TENT4B: variants seen among roughly 807,000 people sequenced by gnomAD.
The protein encoded by TENT4B is PAP associated domain containing 5.
Under a neutral mutation model 75.0 loss-of-function variants are expected in TENT4B, and 10 were observed. That is an observed-to-expected ratio of 0.13 (90% CI 0.08 to 0.23). The LOEUF (loss-of-function observed/expected upper bound fraction) is 0.23, where lower values mean the gene tolerates loss of function less well. Ranked by LOEUF, TENT4B falls within the 10% of genes least tolerant of loss-of-function variation. TENT4B has a pLI of 1.00. For synonymous variants in TENT4B, 350 were observed against 357.7 expected, an observed-to-expected ratio of 0.98 and a Z score of 0.24; for missense variants, 579 against 893.8, an observed-to-expected ratio of 0.65 and a Z score of 4.49.
chr16:50,204,787 G>C (rs1440688194), intron 1 of TENT4B, among the ~76,000 whole-genome samples: 1 of 152,190 alleles, frequency 6.6e-6, no homozygotes, highest in African/African-American at 2.4e-5. Context: ...ACGCGTTTGA[G>C]TATATAAATA....
chr16:50,221,591 T>G (rs2150745131), intron 5 of TENT4B, among the ~76,000 whole-genome samples: 1 of 152,346 alleles, frequency 6.6e-6, no homozygotes, highest in South Asian at 2.1e-4. Flanking sequence ...TCTACAGTGG[T>G]ACATCACCAA....
Position 50,224,955 on chromosome 16 carries a change from C to A in TENT4B, c.1573C>A (p.Gln525Lys). The change falls in exon 9 of 12, where the codon CAG (glutamine) becomes AAG (lysine). Residue 525 changes from glutamine to lysine, a missense_variant. This residue lies in a region of TENT4B where 164 missense variants were observed against 226.5 expected (regional missense o/e 0.72). Transcript: ENST00000561678. ...VATYRDWISKQWGLKNRPEPS... is the reference protein window; with the variant it reads ...VATYRDWISKKWGLKNRPEPS... ...CACATATAGAGATTGGATATCAAAG[C>A]AGTGGGGCTTGAAGAATAGACCTGA... 6.2e-7 allele frequency: 1 copy of A among 1,613,804 alleles called. No individual in the cohort carries two copies. Among genetic ancestry groups the A allele is most frequent in the Non-Finnish European group, 8.5e-7 (1 of 1,179,796 alleles).
Position 50,230,951 on chromosome 16 carries a change from A to C in TENT4B, c.*1623A>C. 4 of 979,550 alleles carry C rather than the reference A, an allele frequency of 4.1e-6. No individual in the cohort carries two copies. The highest frequency in any genetic ancestry group is 4.9e-6 in the Non-Finnish European group (4 of 824,214). The allele number at this position is 979,550 out of a possible 1,614,324, so 60.7% of individuals were successfully genotyped here. ...TACATATAAAGTACTATTGGCTTTT[A>C]GGAGTTTCTTTTATATACATTTATG... On this transcript the variant is annotated 3_prime_UTR_variant, in exon 12 of 12. Transcript: ENST00000561678.
chr16:50,231,627 GA>G lies in TENT4B; in HGVS notation c.*2303del, dbSNP rs1367344076. ...TCTTAGGTTTTCGTAAATTTATTGGGAAAATAGTTTTTCCTGTACTGCTGAA... is the reference window on the plus strand; with the variant it reads ...TCTTAGGTTTTCGTAAATTTATTGGGAAATAGTTTTTCCTGTACTGCTGAA... On this transcript the variant is annotated 3_prime_UTR_variant, in exon 12 of 12. Transcript: ENST00000561678. 1 of 985,668 alleles carries G rather than the reference GA, an allele frequency of 1.0e-6. No homozygotes were observed. The highest frequency in any genetic ancestry group is 1.7e-5 in the African/African-American group (1 of 57,220). The allele number at this position is 985,668 out of a possible 1,614,324, so 61.1% of individuals were successfully genotyped here. A position where few individuals can be genotyped will look rare whatever the true frequency, so the allele number is the denominator to read the frequency against.
At chr16:50,193,331 GTTTTTTTTTTTT>G (rs774084083) in intron 1 of TENT4B, among the ~76,000 whole-genome samples, 1 of 101,482 alleles carries the variant, frequency 9.9e-6, no homozygotes, top group Non-Finnish European at 1.9e-5. Flanking sequence ...AGTTCCTGGA[GTTTTTTTTTTTT>G]TTTTTTTTTT....
At chr16:50,207,274 C>T (rs573110615) in intron 1 of TENT4B, among the ~76,000 whole-genome samples, 3 of 152,120 alleles carry the variant, frequency 2.0e-5, no homozygotes, top group African/African-American at 7.2e-5. Flanking sequence ...TTTTGTCTTC[C>T]GGGCTCAAGC....
intron 1 of TENT4B, among the ~76,000 whole-genome samples, chr16:50,189,176 A>G (rs1052967866): frequency 1.3e-5 from 2 of 152,110 alleles, no homozygotes; most frequent in Non-Finnish European, 2.9e-5. Context: ...TAGAGATAGG[A>G]TGTTTGTATT....
At chr16:50,174,274 T>A (rs1009934047) in intron 1 of TENT4B, among the ~76,000 whole-genome samples, 1 of 151,986 alleles carries the variant, frequency 6.6e-6, no homozygotes, top group African/African-American at 2.4e-5. Context: ...ATTTTTGTAT[T>A]TATAGTAGGG....
At position 50,231,215 on chromosome 16, in the gene TENT4B, A is replaced by G; in HGVS notation, c.*1887A>G. 1 of 985,296 alleles carries G rather than the reference A, an allele frequency of 1.0e-6. No homozygotes were observed. The allele number at this position is 985,296 out of a possible 1,614,324, so 61.0% of individuals were successfully genotyped here. ...TGACAATGTTTTAAATTTTAGAGTCACATTTTATTCTGATCAGAATTTTTA... is the reference window on the plus strand; with the variant it reads ...TGACAATGTTTTAAATTTTAGAGTCGCATTTTATTCTGATCAGAATTTTTA... On this transcript the variant is annotated 3_prime_UTR_variant, in exon 12 of 12. Coordinates refer to ENST00000561678, the MANE Select transcript of TENT4B (RefSeq NM_001365324.3).
intron 1 of TENT4B, among the ~76,000 whole-genome samples, chr16:50,201,307 C>CAGGT (rs1342632875): frequency 2.0e-5 from 3 of 151,834 alleles, no homozygotes; most frequent in Admixed American, 1.3e-4. Context: ...GAGGCTGAGG[C>CAGGT]AGGTGGATCT....
chr16:50,234,716 CTT>C lies in TENT4B; in HGVS notation c.*5390_*5391del, dbSNP rs1356749991. 2 of 985,350 alleles carry C rather than the reference CTT, an allele frequency of 2.0e-6. No individual in the cohort carries two copies. The highest frequency in any genetic ancestry group is 2.4e-6 in the Non-Finnish European group (2 of 829,912). 61.0% of individuals were successfully genotyped at this position (985,350 alleles called of 1,614,324 possible). A position where few individuals can be genotyped will look rare whatever the true frequency, so the allele number is the denominator to read the frequency against. On this transcript the variant is annotated 3_prime_UTR_variant, in exon 12 of 12. Coordinates refer to ENST00000561678, the MANE Select transcript of TENT4B (RefSeq NM_001365324.3). ...GTTAGACGTGTCAAGAGTCTCCAGT[CTT>C]TACTACTAAAAAGCAGCACTGCCTT...
intron 1 of TENT4B, among the ~76,000 whole-genome samples, chr16:50,185,976 CAAATT>C (rs892395457): frequency 6.6e-6 from 1 of 152,144 alleles, no homozygotes; most frequent in Non-Finnish European, 1.5e-5. Context: ...TGGTGTTTCT[CAAATT>C]AAGTTCTGCA....
chr16:50,153,596 G>A lies in TENT4B; in HGVS notation c.-26G>A, dbSNP rs1407011161. On this transcript the variant is annotated 5_prime_UTR_variant, in exon 1 of 12. Transcript: ENST00000561678. ...GCGGCCCTGCGGGCGGCCGGGAGGGGCGGGGGCAGCGGCCGCCGCCGTTTG... is the reference window on the plus strand; with the variant it reads ...GCGGCCCTGCGGGCGGCCGGGAGGGACGGGGGCAGCGGCCGCCGCCGTTTG... 12 of 998,748 alleles carry A rather than the reference G, an allele frequency of 1.2e-5. No individual in the cohort carries two copies. Among genetic ancestry groups the A allele is most frequent in the Non-Finnish European group, 1.4e-5 (12 of 841,568 alleles). The allele number at this position is 998,748 out of a possible 1,614,324, so 61.9% of individuals were successfully genotyped here. A position where few individuals can be genotyped will look rare whatever the true frequency, so the allele number is the denominator to read the frequency against.
At chr16:50,228,088 T>C in intron 11 of TENT4B, 85 bp downstream of exon 11, 1 of 1,485,922 alleles carries the variant, frequency 6.7e-7, no homozygotes, top group Non-Finnish European at 9.1e-7. Flanking sequence ...GCAGCATGGG[T>C]TTGAAGAAAA....
At chr16:50,212,238 T>A (rs1567507051) in intron 2 of TENT4B, among the ~76,000 whole-genome samples, 2 of 152,066 alleles carry the variant, frequency 1.3e-5, no homozygotes. Context: ...TGTATTTTTT[T>A]GTAGAGACTG....
Position 50,232,981 on chromosome 16 carries a change from G to C in TENT4B, c.*3653G>C. The C allele has an allele frequency of 3.0e-6, 3 of 984,228 alleles. No individual in the cohort carries two copies. The highest frequency in any genetic ancestry group is 3.6e-6 in the Non-Finnish European group (3 of 828,898). The allele number at this position is 984,228 out of a possible 1,614,324, so 61.0% of individuals were successfully genotyped here. On this transcript the variant is annotated 3_prime_UTR_variant, in exon 12 of 12. Transcript: ENST00000561678. Reference sequence around the variant, plus strand: ...TAAATATTGAAATGTTAAAATTAATGAACAGAAGAATTTATTCTTACCCAT... The same window carrying C: ...TAAATATTGAAATGTTAAAATTAATCAACAGAAGAATTTATTCTTACCCAT...
intron 1 of TENT4B, among the ~76,000 whole-genome samples, chr16:50,164,378 T>C (rs1023232647): frequency 1.5e-4 from 23 of 151,794 alleles, no homozygotes; most frequent in African/African-American, 5.3e-4. Context: ...GGCGCTATCT[T>C]GGCTCACTGC....
intron 5 of TENT4B, among the ~76,000 whole-genome samples, chr16:50,220,141 A>G (rs1369991753): frequency 2.0e-5 from 3 of 151,782 alleles, no homozygotes; most frequent in Non-Finnish European, 4.4e-5. Flanking sequence ...GGCGCACACC[A>G]CCACGCTCAG....
At chr16:50,160,564 A>G (rs2037985208) in intron 1 of TENT4B, among the ~76,000 whole-genome samples, 1 of 152,210 alleles carries the variant, frequency 6.6e-6, no homozygotes, top group Non-Finnish European at 1.5e-5. Flanking sequence ...TCCTGCCAAC[A>G]AATCATAGTG....
Sources: allele counts gnomAD v4.1 joint callset (sites outside exome capture counted in the v4.1 genomes callset), GRCh38; gene constraint gnomAD v4.1.1; regional missense constraint gnomAD v4.1.1; transcripts MANE v1.5; gene names NCBI Gene and HGNC (gene_info 2026-07-23, HGNC 2026-07-21).